NCKAP5: variants seen among roughly 807,000 people sequenced by gnomAD.
NCKAP5 encodes NCK associated protein 5.
A neutral mutation model predicts 167.0 loss-of-function variants in NCKAP5; 92 were observed. That is an observed-to-expected ratio of 0.55 (90% confidence interval 0.47 to 0.66). The LOEUF is 0.66. Ranked by LOEUF, NCKAP5 falls within the 30% of genes least tolerant of loss-of-function variation. NCKAP5 has a pLI of 0.00. For synonymous variants in NCKAP5, 891 were observed against 877.4 expected (o/e 1.02, Z -0.27); for missense variants, 2,378 against 2,315.0 (o/e 1.03, Z -0.56).
At chr2:132,780,961 AC>A in intron 15 of NCKAP5, 90 bp downstream of exon 15, 1 of 1,299,972 alleles carries the variant, frequency 7.7e-7, no homozygotes, top group Admixed American at 2.5e-5. Context: ...GCAATCTCTT[AC>A]CCATACATTT....
At chr2:133,386,669 T>A (rs1437284873) in intron 3 of NCKAP5, among the ~76,000 whole-genome samples, 1 of 152,198 alleles carries the variant, frequency 6.6e-6, no homozygotes, top group Non-Finnish European at 1.5e-5. Flanking sequence ...CCCATTATTA[T>A]CGTGTGGGAG....
At chr2:132,931,013 G>A (rs1001494814) in intron 8 of NCKAP5, 25 of 152,328 alleles carry the variant, frequency 1.6e-4, no homozygotes, top group African/African-American at 6.0e-4. Context: ...TCTGGCTCCA[G>A]AATCTGTGCT....
the NCKAP5 span, among the ~76,000 whole-genome samples, chr2:133,597,241 C>A: frequency 2.6e-5 from 4 of 152,162 alleles, no homozygotes; most frequent in Admixed American, 2.0e-4. Flanking sequence ...ACCAGTGTGA[C>A]CTGGACATCT....
At chr2:132,727,755 C>T (rs1017546089) in intron 18 of NCKAP5, among the ~76,000 whole-genome samples, 5 of 152,176 alleles carry the variant, frequency 3.3e-5, no homozygotes, top group African/African-American at 7.2e-5. Flanking sequence ...CAACTTTCCC[C>T]GGGACCCTGA....
the NCKAP5 span, among the ~76,000 whole-genome samples, chr2:133,639,035 T>A: frequency 6.6e-6 from 1 of 152,000 alleles, no homozygotes; most frequent in Non-Finnish European, 1.5e-5. Context: ...AAGCAATTCA[T>A]AAAATAGGAA....
At chr2:132,790,376 C>T (rs1413796850) in intron 12 of NCKAP5, among the ~76,000 whole-genome samples, 171 bp from the exon 13 acceptor site, 1 of 152,094 alleles carries the variant, frequency 6.6e-6, no homozygotes, top group African/African-American at 2.4e-5. Flanking sequence ...ACTCAGTACA[C>T]CTAACGCACA....
intron 6 of NCKAP5, among the ~76,000 whole-genome samples, chr2:133,019,282 T>C (rs1425711721): frequency 6.6e-6 from 1 of 151,694 alleles, no homozygotes. Flanking sequence ...CACTGGGGAG[T>C]TTATCAGATT....
Position 132,796,742 on chromosome 2 carries a change from A to G in NCKAP5, c.808-13T>C. On this transcript the variant is annotated splice_polypyrimidine_tract_variant and intron_variant, in intron 11 of 19. Coordinates refer to ENST00000409261, the MANE Select transcript of NCKAP5 (RefSeq NM_207363.3). ...GTGAGTGAAGTTTCTAGGTAAAACCAAGCAGAAACATTGAATAGCGATAAT... is the reference window on the plus strand; with the variant it reads ...GTGAGTGAAGTTTCTAGGTAAAACCGAGCAGAAACATTGAATAGCGATAAT... 1.3e-6 allele frequency: 2 copies of G among 1,536,670 alleles called. No individual in the cohort carries two copies. The highest frequency in any genetic ancestry group is 2.3e-5 in the East Asian group (1 of 44,302).
chr2:132,784,398 G>A lies in NCKAP5; in HGVS notation c.2413C>T (p.Pro805Ser), dbSNP rs1206470319. ...TTCTGAGGTGAAGACTTGCCCCTGGGAGGTATTTTTGTCAGATTTTGCTTT... is the reference window on the plus strand; with the variant it reads ...TTCTGAGGTGAAGACTTGCCCCTGGAAGGTATTTTTGTCAGATTTTGCTTT... Reference protein sequence around the residue: ...YQKQNLTKIPPRGKSSPQKSK... With the variant: ...YQKQNLTKIPSRGKSSPQKSK... The change falls in exon 14 of 20, where the codon CCC (proline) becomes TCC (serine). Residue 805 changes from proline to serine, a missense_variant. Coordinates refer to ENST00000409261, the MANE Select transcript of NCKAP5 (RefSeq NM_207363.3). 1 of 1,613,678 alleles carries A rather than the reference G, an allele frequency of 6.2e-7. No individual in the cohort carries two copies.
intron 11 of NCKAP5, among the ~76,000 whole-genome samples, chr2:132,840,747 T>C (rs1190001302): frequency 6.6e-6 from 1 of 152,226 alleles, no homozygotes; most frequent in Non-Finnish European, 1.5e-5. Context: ...GCACCATGTA[T>C]GGTCTGTGTT....
chr2:133,245,992 T>C (rs971940814), intron 4 of NCKAP5, among the ~76,000 whole-genome samples: 2 of 151,646 alleles, frequency 1.3e-5, no homozygotes, highest in Non-Finnish European at 2.9e-5. Flanking sequence ...TTGCAACAGC[T>C]GTGCTGTGGG....
chr2:133,357,171 A>G (rs1469620337), intron 3 of NCKAP5, among the ~76,000 whole-genome samples: 1 of 152,096 alleles, frequency 6.6e-6, no homozygotes, highest in Non-Finnish European at 1.5e-5. Context: ...TGGATCATGG[A>G]ATAATAAATT....
intron 6 of NCKAP5, among the ~76,000 whole-genome samples, chr2:133,041,687 C>G (rs531937718): frequency 6.6e-6 from 1 of 152,030 alleles, no homozygotes; most frequent in Non-Finnish European, 1.5e-5. Flanking sequence ...AAAAATTATA[C>G]GAGATGAAAT....
chr2:132,968,047 C>A (rs945664338), intron 7 of NCKAP5, among the ~76,000 whole-genome samples: 1 of 152,014 alleles, frequency 6.6e-6, no homozygotes. Context: ...GCCTTGCTGG[C>A]CAGCTGAGGG....
intron 3 of NCKAP5, among the ~76,000 whole-genome samples, chr2:133,476,659 A>G (rs966690559): frequency 2.6e-5 from 4 of 152,228 alleles, no homozygotes; most frequent in African/African-American, 9.7e-5. Flanking sequence ...AGTGTTTTAA[A>G]AGAAAGAAAT....
the NCKAP5 span, among the ~76,000 whole-genome samples, chr2:133,657,872 T>C: frequency 6.6e-6 from 1 of 151,994 alleles, no homozygotes; most frequent in Admixed American, 6.6e-5. Flanking sequence ...CCCTGGGGGT[T>C]AGTAAAGCAG....
intron 5 of NCKAP5, among the ~76,000 whole-genome samples, chr2:133,188,903 A>T (rs2085076878): frequency 6.6e-6 from 1 of 152,178 alleles, no homozygotes; most frequent in Admixed American, 6.6e-5. Flanking sequence ...ACACATTCAA[A>T]AGCTAGCAGA....
intron 4 of NCKAP5, among the ~76,000 whole-genome samples, chr2:133,238,146 A>G (rs959258677): frequency 1.3e-5 from 2 of 152,166 alleles, no homozygotes; most frequent in African/African-American, 4.8e-5. Context: ...TTTTTCTCAA[A>G]AAAGTGACAC....
chr2:133,263,745 T>C (rs543838000), intron 4 of NCKAP5, among the ~76,000 whole-genome samples: 66 of 152,324 alleles, frequency 4.3e-4, no homozygotes, highest in African/African-American at 1.5e-3. Context: ...CATTTATCCA[T>C]GTGAGATATG....
Sources: gnomAD v4.1 joint callset for allele counts (sites outside exome capture counted in the v4.1 genomes callset) on GRCh38, gnomAD v4.1.1 for gene constraint, MANE v1.5 for transcripts, NCBI Gene and HGNC (gene_info 2026-07-23, HGNC 2026-07-21) for gene names.